PLCB4: variants seen among roughly 807,000 people sequenced by gnomAD.
PLCB4 encodes 1-phosphatidylinositol 4,5-bisphosphate phosphodiesterase beta-4.
PLCB4 carries 77 observed loss-of-function variants against 178.8 expected under a neutral mutation model. The ratio of observed to expected loss-of-function variants is 0.43; its 90% CI spans 0.36 to 0.52. The LOEUF is 0.52. PLCB4 is among the 20% of genes least tolerant of loss of function. PLCB4 has a pLI of 0.00. For synonymous variants in PLCB4, 496 were observed against 490.8 expected, an observed-to-expected ratio of 1.01 and a Z score of -0.14; for missense variants, 1,024 against 1,453.4, an observed-to-expected ratio of 0.70 and a Z score of 4.80.
chr20:9,377,011 CAA>C (rs1279971241), intron 12 of PLCB4, among the ~76,000 whole-genome samples: 1 of 152,136 alleles, frequency 6.6e-6, no homozygotes, highest in Non-Finnish European at 1.5e-5. Context: ...AATGCACAGG[CAA>C]AGAGAGAGAA....
At chr20:9,106,234 G>A (rs1054226072) in intron 2 of PLCB4, among the ~76,000 whole-genome samples, 1 of 151,718 alleles carries the variant, frequency 6.6e-6, no homozygotes, top group African/African-American at 2.4e-5. Context: ...AACCAACAGT[G>A]GTATATTATT....
At chr20:9,473,403 T>A in intron 38 of PLCB4, 38 bp downstream of exon 38, 2 of 1,228,644 alleles carry the variant, frequency 1.6e-6, no homozygotes, top group Non-Finnish European at 2.4e-6. Flanking sequence ...TGCAGGCAGC[T>A]AGCCAGCTTT....
intron 2 of PLCB4, chr20:9,166,794 G>A (rs1234163062): frequency 6.6e-6 from 1 of 152,104 alleles, no homozygotes; most frequent in Non-Finnish European, 1.5e-5. Context: ...GTTTGTAGAG[G>A]GCTATCACGG....
intron 13 of PLCB4, among the ~76,000 whole-genome samples, chr20:9,381,532 A>G (rs2037142950): frequency 6.6e-6 from 1 of 152,230 alleles, no homozygotes; most frequent in South Asian, 2.1e-4. Context: ...ATTCCTTGGC[A>G]GTGTGATAAA....
At chr20:9,126,248 A>AT (rs1186527484) in intron 2 of PLCB4, among the ~76,000 whole-genome samples, 16 of 152,172 alleles carry the variant, frequency 1.1e-4, no homozygotes, top group African/African-American at 3.9e-4. Context: ...AAAAATTGCT[A>AT]TTTTAAGTAT....
chr20:9,229,346 T>A (rs181325857), intron 3 of PLCB4, among the ~76,000 whole-genome samples: 3 of 152,184 alleles, frequency 2.0e-5, no homozygotes, highest in African/African-American at 7.2e-5. Context: ...GTGTGAGTAG[T>A]TGTCATTTTT....
chr20:9,077,932 GTT>G (rs1340066198), intron 1 of PLCB4, among the ~76,000 whole-genome samples: 1 of 152,138 alleles, frequency 6.6e-6, no homozygotes, highest in Non-Finnish European at 1.5e-5. Context: ...TATTTAATGA[GTT>G]TTATTTAATG....
In PLCB4 at chr20:9,479,188, C is replaced by A; in HGVS notation, c.*179C>A. 1 of 579,680 alleles carries A rather than the reference C, an allele frequency of 1.7e-6. No homozygotes were observed. The allele number at this position is 579,680 out of a possible 1,614,324, so 35.9% of individuals were successfully genotyped here. On this transcript the variant is annotated 3_prime_UTR_variant, in exon 40 of 40. Transcript: ENST00000378473. ...CAGCTTGAGTATTGCATTTCCTTGGCCAAACAAAAATAGCTACAAATCCAC... is the reference window on the plus strand; with the variant it reads ...CAGCTTGAGTATTGCATTTCCTTGGACAAACAAAAATAGCTACAAATCCAC...
intron 4 of PLCB4, among the ~76,000 whole-genome samples, chr20:9,316,977 A>G (rs1055893813): frequency 7.2e-5 from 11 of 152,206 alleles, no homozygotes; most frequent in Admixed American, 3.9e-4. Flanking sequence ...CTGAAAAGTC[A>G]TAGAACTGGG....
chr20:9,339,173 T>C, intron 7 of PLCB4, 136 bp downstream of exon 7: 2 of 736,112 alleles, frequency 2.7e-6, no homozygotes, highest in South Asian at 4.0e-5. Flanking sequence ...CTGACATGTT[T>C]CTGTAGAAAA....
At chr20:9,457,594 G>A in intron 34 of PLCB4, 105 bp downstream of exon 34, 1 of 701,388 alleles carries the variant, frequency 1.4e-6, no homozygotes, top group South Asian at 1.6e-5. Flanking sequence ...CCCAGAGCTG[G>A]TCTAGTAGCC....
chr20:9,069,762 C>G (rs1174026215), intron 1 of PLCB4, among the ~76,000 whole-genome samples: 1 of 152,124 alleles, frequency 6.6e-6, no homozygotes, highest in Admixed American at 6.6e-5. Flanking sequence ...GTGTAGACTT[C>G]GTATATGGTA....
chr20:9,387,396 T>C lies in PLCB4; in HGVS notation c.1065-67T>C. 6.3e-6 allele frequency: 5 copies of C among 792,912 alleles called. No homozygotes were observed. The South Asian group carries it at 8.9e-5, about 14-fold the overall frequency. The allele number at this position is 792,912 out of a possible 1,614,324, so 49.1% of individuals were successfully genotyped here. On this transcript the variant is annotated intron_variant, in intron 14 of 39. Coordinates refer to ENST00000378473, the MANE Select transcript of PLCB4 (RefSeq NM_001377142.1). ...AGAAAACAACTTATTTTGATGTCTT[T>C]CTTTTAATTTGTATGAACACTATTT...
intron 3 of PLCB4, among the ~76,000 whole-genome samples, chr20:9,297,922 C>T (rs1001865507): frequency 3.3e-5 from 5 of 152,052 alleles, no homozygotes; most frequent in South Asian, 2.1e-4. Context: ...TGTTATACTT[C>T]GTTGTATTCT....
chr20:9,208,778 C>G (rs2093641607), intron 2 of PLCB4, among the ~76,000 whole-genome samples: 2 of 152,150 alleles, frequency 1.3e-5, no homozygotes, highest in East Asian at 1.9e-4. Flanking sequence ...TGGGCCTAAG[C>G]AGTCCTCCCA....
At chr20:9,152,409 G>A (rs898342150) in intron 2 of PLCB4, among the ~76,000 whole-genome samples, 17 of 152,152 alleles carry the variant, frequency 1.1e-4, no homozygotes, top group Non-Finnish European at 2.2e-4. Context: ...GTACAGCCTA[G>A]GGACATAGTG....
rs1016259033 is a variant in PLCB4 at position 9,480,698 on chromosome 20, G to C, written c.*1689G>C. ...AAGTGGATTCTGTAAAATATCTCTTGTTCTTAGTTTCCTTATCTGTAAAAC... is the reference window on the plus strand; with the variant it reads ...AAGTGGATTCTGTAAAATATCTCTTCTTCTTAGTTTCCTTATCTGTAAAAC... On this transcript the variant is annotated 3_prime_UTR_variant, in exon 40 of 40. Transcript: ENST00000378473. 1 of 152,070 alleles carries C rather than the reference G, an allele frequency of 6.6e-6. No homozygotes were observed. The highest frequency in any genetic ancestry group is 2.4e-5 in the African/African-American group (1 of 41,408). The allele number at this position is 152,070 out of a possible 1,614,324, so 9.4% of individuals were successfully genotyped here.
At chr20:9,277,600 G>T (rs2094461051) in intron 3 of PLCB4, among the ~76,000 whole-genome samples, 1 of 151,994 alleles carries the variant, frequency 6.6e-6, no homozygotes, top group Non-Finnish European at 1.5e-5. Flanking sequence ...GTAACTGCTG[G>T]TTAGAGTCTT....
chr20:9,098,431 A>T (rs1211793654), intron 2 of PLCB4, among the ~76,000 whole-genome samples: 4 of 151,968 alleles, frequency 2.6e-5, no homozygotes, highest in Non-Finnish European at 5.9e-5. Context: ...CATTTATCCA[A>T]CATTAATCTA....
Sources: allele counts gnomAD v4.1 joint callset (sites outside exome capture counted in the v4.1 genomes callset), GRCh38; gene constraint gnomAD v4.1.1; transcripts MANE v1.5; gene names NCBI Gene and HGNC (gene_info 2026-07-23, HGNC 2026-07-21).